Variants in SPAG17 observed in about 807,000 individuals in gnomAD.
SPAG17 encodes sperm associated antigen 17.
In SPAG17, 169 loss-of-function variants were observed where a neutral mutation model predicts 273.6. That is an observed-to-expected ratio of 0.62 (90% confidence interval 0.55 to 0.70). The LOEUF (loss-of-function observed/expected upper bound fraction) is 0.70. Ranked by LOEUF, SPAG17 falls within the 30% of genes least tolerant of loss-of-function variation. SPAG17 has a pLI of 0.00. For synonymous variants in SPAG17, 825 were observed against 873.2 expected (o/e 0.94, Z 0.97); for missense variants, 2,557 against 2,627.8 (o/e 0.97, Z 0.59).
chr1:118,152,511 A>G (rs1570790029), intron 1 of SPAG17, among the ~76,000 whole-genome samples: 1 of 152,306 alleles, frequency 6.6e-6, no homozygotes, highest in East Asian at 1.9e-4. Context: ...TCAAAGAGCA[A>G]TTGTCCTTAA....
intron 3 of SPAG17, among the ~76,000 whole-genome samples, chr1:118,149,893 C>G (rs1659276929): frequency 6.6e-6 from 1 of 152,194 alleles, no homozygotes; most frequent in African/African-American, 2.4e-5. Context: ...TAGATATTAA[C>G]AAGGCAGGGT....
intron 3 of SPAG17, among the ~76,000 whole-genome samples, chr1:118,128,247 T>C (rs1657851363): frequency 6.6e-6 from 1 of 152,248 alleles, no homozygotes; most frequent in African/African-American, 2.4e-5. Context: ...GATTTTTGTA[T>C]GTTGATTTTA....
At chr1:118,010,643 C>T (rs185765589) in intron 30 of SPAG17, among the ~76,000 whole-genome samples, 2 of 152,224 alleles carry the variant, frequency 1.3e-5, no homozygotes, top group African/African-American at 2.4e-5. Context: ...CCATTCTAGA[C>T]GTAGCAACAG....
intron 28 of SPAG17, 25 bp downstream of exon 28, chr1:118,023,279 T>C (rs1466988856): frequency 6.3e-7 from 1 of 1,591,460 alleles, no homozygotes; most frequent in Non-Finnish European, 8.6e-7. Flanking sequence ...AAATCCATAA[T>C]AAACTGAGAG....
intron 48 of SPAG17, chr1:117,954,499 A>G: frequency 7.3e-7 from 1 of 1,367,310 alleles, no homozygotes; most frequent in South Asian, 1.3e-5. Flanking sequence ...AAATTATAAA[A>G]TACAGTTACC....
intron 46 of SPAG17, among the ~76,000 whole-genome samples, chr1:117,969,296 CTTGG>C (rs1351917451): frequency 6.6e-5 from 10 of 151,960 alleles, no homozygotes; most frequent in Admixed American, 4.6e-4. Flanking sequence ...AATACGATTT[CTTGG>C]TTGGGCGCAG....
intron 32 of SPAG17, among the ~76,000 whole-genome samples, chr1:118,001,737 G>A (rs1374860199): frequency 6.6e-6 from 1 of 152,048 alleles, no homozygotes; most frequent in Non-Finnish European, 1.5e-5. Context: ...CTTCCTAATG[G>A]TCTATCAATT....
At position 118,041,854 on chromosome 1, in the gene SPAG17, T is replaced by C; in HGVS notation, c.3003A>G (p.Gln1001=). 6.2e-7 allele frequency: 1 copy of C among 1,613,964 alleles called. No homozygotes were observed. The highest frequency in any genetic ancestry group is 8.5e-7 in the Non-Finnish European group (1 of 1,179,886). ...EKSKEEQVKI[Q]EVTEESPHQP... ...GGTGGGGGGACTCTTCTGTTACTTC[T>C]TGGATCTTGACTTGTTCTTCTTTAG... is the stretch of plus-strand genomic sequence containing the variant. The change falls in exon 21 of 49, where the codon CAA becomes CAG. Residue 1001 remains glutamine, a synonymous_variant. Transcript: ENST00000336338.
chr1:118,029,600 G>T (rs1215644621), intron 25 of SPAG17, among the ~76,000 whole-genome samples: 1 of 152,002 alleles, frequency 6.6e-6, no homozygotes, highest in Non-Finnish European at 1.5e-5. Flanking sequence ...TGAGGGTTTG[G>T]GTGTGTTTAC....
At chr1:117,994,091 T>C (rs1657398774) in intron 35 of SPAG17, among the ~76,000 whole-genome samples, 1 of 152,090 alleles carries the variant, frequency 6.6e-6, no homozygotes, top group Non-Finnish European at 1.5e-5. Context: ...TGATATAATA[T>C]CAGTAATTCC....
At chr1:118,115,892 C>T (rs1027594933) in intron 3 of SPAG17, among the ~76,000 whole-genome samples, 2 of 152,196 alleles carry the variant, frequency 1.3e-5, no homozygotes, top group African/African-American at 2.4e-5. Flanking sequence ...ACTATGTTAG[C>T]AGTCTTTTAT....
intron 3 of SPAG17, among the ~76,000 whole-genome samples, chr1:118,146,706 T>G (rs1659013453): frequency 6.6e-6 from 1 of 152,096 alleles, no homozygotes. Context: ...AAAGATTACT[T>G]GGTTGGTGAT....
intron 32 of SPAG17, among the ~76,000 whole-genome samples, chr1:118,000,521 C>T (rs1658159864): frequency 6.6e-6 from 1 of 152,126 alleles, no homozygotes; most frequent in Non-Finnish European, 1.5e-5. Flanking sequence ...TGTAGTTCTC[C>T]TTGAAGAGGT....
chr1:118,185,194 C>T lies in SPAG17; in HGVS notation c.-37G>A. The stretch of plus-strand genomic sequence containing the variant: ...GAGAAGCATTGGCCTCTAAACTGGG[C>T]GCAGGCCCTGCCTAAGCGTCCCCGC... On this transcript the variant is annotated 5_prime_UTR_variant, in exon 1 of 49. Coordinates refer to ENST00000336338, the MANE Select transcript of SPAG17 (RefSeq NM_206996.4). The T allele has an allele frequency of 1.3e-6, 2 of 1,552,258 alleles. No homozygotes were observed. The highest frequency in any genetic ancestry group is 1.8e-6 in the Non-Finnish European group (2 of 1,123,728).
At chr1:118,147,484 TTC>T (rs1659079424) in intron 3 of SPAG17, among the ~76,000 whole-genome samples, 3 of 150,844 alleles carry the variant, frequency 2.0e-5, no homozygotes. Context: ...TAATATTCTG[TTC>T]TCATTCCCAC....
intron 43 of SPAG17, among the ~76,000 whole-genome samples, chr1:117,977,805 C>G (rs547028059): frequency 6.6e-6 from 1 of 152,268 alleles, no homozygotes; most frequent in African/African-American, 2.4e-5. Context: ...TTAGTTACTA[C>G]TTCTCCAAGT....
chr1:118,083,238 G>T (rs1570659051), intron 13 of SPAG17, among the ~76,000 whole-genome samples: 1 of 152,152 alleles, frequency 6.6e-6, no homozygotes, highest in South Asian at 2.1e-4. Flanking sequence ...TTATAGTCAT[G>T]AGCCAAGCAC....
rs79803893 is a variant in SPAG17 at position 117,975,199 on chromosome 1, G to C, written c.6005-1638C>G. Among the ~76,000 whole-genome samples, 1,120 of 152,236 alleles carry C rather than the reference G, an allele frequency of 7.4e-3. 11 individuals carry two copies. Among genetic ancestry groups the C allele is most frequent in the East Asian group, 0.027 (140 of 5,156 alleles). ...AAACCAAACAGGAACAAGTAGGGAT[G>C]GGTCATGGTGGAGGCAGGGGGGATG... is the stretch of plus-strand genomic sequence containing the variant. On this transcript the variant is annotated intron_variant, in intron 43 of 48. Transcript: ENST00000336338.
intron 1 of SPAG17, among the ~76,000 whole-genome samples, chr1:118,180,915 G>C (rs1021955265): frequency 2.6e-5 from 4 of 151,886 alleles, no homozygotes; most frequent in African/African-American, 7.3e-5. Flanking sequence ...TTCTACAGGA[G>C]TTAAAGAAAA....
Sources: gnomAD v4.1 joint callset for allele counts (sites outside exome capture counted in the v4.1 genomes callset) on GRCh38, gnomAD v4.1.1 for gene constraint, MANE v1.5 for transcripts, NCBI Gene and HGNC (gene_info 2026-07-23, HGNC 2026-07-21) for gene names.